The following LRP1B variants were observed in gnomAD, a reference collection of about 807,000 sequenced individuals.
The protein encoded by LRP1B is low-density lipoprotein receptor-related protein 1B.
LRP1B carries 217 observed loss-of-function variants against 556.6 expected under a neutral mutation model. That is an observed-to-expected ratio of 0.39 (90% CI 0.35 to 0.44). The LOEUF is 0.44. LRP1B is among the 20% of genes least tolerant of loss of function. The pLI is 1.00. For synonymous variants in LRP1B, 2,047 were observed against 1,865.8 expected, an observed-to-expected ratio of 1.10 and a Z score of -2.50; for missense variants, 5,053 against 5,620.8, an observed-to-expected ratio of 0.90 and a Z score of 3.23.
At chr2:140,834,753 A>C (rs528518833) in intron 31 of LRP1B, among the ~76,000 whole-genome samples, 1 of 152,124 alleles carries the variant, frequency 6.6e-6, no homozygotes, top group Non-Finnish European at 1.5e-5. Context: ...AACTACTAAC[A>C]TTTCATTATA....
At chr2:140,559,143 AAACAATGTCATAGTAT>A (rs1680841243) in intron 43 of LRP1B, among the ~76,000 whole-genome samples, 1 of 152,180 alleles carries the variant, frequency 6.6e-6, no homozygotes, top group East Asian at 1.9e-4. Context: ...TGAACATGTT[AAACAATGTCATAGTAT>A]ACAGTATGCA....
At chr2:140,576,679 T>C (rs1392763488) in intron 43 of LRP1B, among the ~76,000 whole-genome samples, 1 of 152,206 alleles carries the variant, frequency 6.6e-6, no homozygotes, top group East Asian at 1.9e-4. Flanking sequence ...TTATCAATTA[T>C]TGTGTAGTTC....
intron 84 of LRP1B, among the ~76,000 whole-genome samples, chr2:140,293,804 G>A (rs549459612): frequency 2.0e-5 from 3 of 152,212 alleles, no homozygotes; most frequent in African/African-American, 7.2e-5. Flanking sequence ...AAGAATGTTT[G>A]TTGACATCTT....
chr2:142,010,575 A>G (rs1179094006), intron 1 of LRP1B, among the ~76,000 whole-genome samples: 2 of 150,946 alleles, frequency 1.3e-5, no homozygotes, highest in Non-Finnish European at 3.0e-5. Context: ...AAAAAAAAAA[A>G]AAAAGAAAGA....
intron 41 of LRP1B, among the ~76,000 whole-genome samples, chr2:140,662,440 A>G (rs550179): frequency 0.1 from 15,835 of 152,146 alleles, 967 homozygotes; most frequent in East Asian, 0.24. Flanking sequence ...GGAACTTAAA[A>G]TGATAGAAAA....
intron 1 of LRP1B, among the ~76,000 whole-genome samples, chr2:141,852,738 G>C (rs142554952): frequency 2.6e-5 from 4 of 151,562 alleles, no homozygotes; most frequent in African/African-American, 9.7e-5. Flanking sequence ...AGCAAGCCAT[G>C]AAGTAAAAAT....
At chr2:141,363,509 G>T (rs1688912364) in intron 3 of LRP1B, among the ~76,000 whole-genome samples, 1 of 151,986 alleles carries the variant, frequency 6.6e-6, no homozygotes, top group Admixed American at 6.6e-5. Context: ...TACTAACCTA[G>T]ATCTACCATG....
intron 68 of LRP1B, among the ~76,000 whole-genome samples, chr2:140,374,653 GAATT>G (rs1683141644): frequency 6.6e-6 from 1 of 152,084 alleles, no homozygotes; most frequent in Non-Finnish European, 1.5e-5. Flanking sequence ...ACTGCTGAGT[GAATT>G]AATAAATTAA....
At chr2:140,721,046 A>G (rs1559076003) in intron 35 of LRP1B, among the ~76,000 whole-genome samples, 1 of 152,162 alleles carries the variant, frequency 6.6e-6, no homozygotes, top group Non-Finnish European at 1.5e-5. Context: ...ATAAAAATAT[A>G]AATATATTCA....
chr2:140,358,053 C>G lies in LRP1B; in HGVS notation c.11321G>C (p.Cys3774Ser), dbSNP rs2105135139. The G allele has an allele frequency of 6.2e-7, 1 of 1,611,504 alleles. No homozygotes were observed. The highest frequency in any genetic ancestry group is 1.1e-5 in the South Asian group (1 of 90,982). The change falls in exon 74 of 91, where the codon TGC (cysteine) becomes TCC (serine). Residue 3774 changes from cysteine (C) to serine (S), a missense_variant. By Grantham distance (112) the Cys-to-Ser change is moderately radical. Transcript: ENST00000389484. ...KDEFACSNKK[C>S]IPMDLQCDRL... ...ATCACACTGGAGATCCATAGGGATG[C>G]ATTTTTTATTACTACAAGCAAACTC...
chr2:142,015,057 C>T (rs1278861116), intron 1 of LRP1B, among the ~76,000 whole-genome samples: 2 of 152,262 alleles, frequency 1.3e-5, no homozygotes, highest in South Asian at 2.1e-4. Flanking sequence ...CTGGGAATTA[C>T]ATTTAAATTG....
chr2:140,733,795 C>A (rs288117), intron 35 of LRP1B, among the ~76,000 whole-genome samples: 1 of 151,988 alleles, frequency 6.6e-6, no homozygotes, highest in Non-Finnish European at 1.5e-5. Flanking sequence ...TAATGAAAGG[C>A]AAACTTACTA....
At chr2:141,890,323 C>CATATATATATATATATATAT (rs556472129) in intron 1 of LRP1B, among the ~76,000 whole-genome samples, 20 of 83,804 alleles carry the variant, frequency 2.4e-4, no homozygotes, top group African/African-American at 7.9e-4. Context: ...GGGCACAATA[C>CATATATATATATATATATAT]ATATATATAT....
chr2:141,330,584 A>G (rs1477667721), intron 3 of LRP1B, among the ~76,000 whole-genome samples: 1 of 152,150 alleles, frequency 6.6e-6, no homozygotes, highest in Non-Finnish European at 1.5e-5. Flanking sequence ...ATATTTTTGA[A>G]AGCTCCTCAA....
intron 2 of LRP1B, among the ~76,000 whole-genome samples, chr2:141,505,808 T>G (rs906942167): frequency 2.0e-5 from 3 of 152,074 alleles, no homozygotes; most frequent in South Asian, 2.1e-4. Flanking sequence ...AATTAACTCT[T>G]GTAAATTATC....
intron 2 of LRP1B, among the ~76,000 whole-genome samples, chr2:141,771,105 A>AT (rs1404828659): frequency 6.6e-6 from 1 of 152,160 alleles, no homozygotes; most frequent in Admixed American, 6.5e-5. Context: ...TTTAATTATC[A>AT]TTTTTTAAAC....
chr2:140,622,739 T>G (rs1018181619), intron 41 of LRP1B, among the ~76,000 whole-genome samples: 5 of 152,130 alleles, frequency 3.3e-5, no homozygotes, highest in Non-Finnish European at 5.9e-5. Flanking sequence ...CAAAAAAGAA[T>G]GAATGGCAGA....
intron 1 of LRP1B, among the ~76,000 whole-genome samples, chr2:141,992,563 A>G (rs1702378822): frequency 6.6e-6 from 1 of 152,154 alleles, no homozygotes; most frequent in South Asian, 2.1e-4. Context: ...ACATATAAAG[A>G]CTGGAAGAAA....
At chr2:141,122,733 A>C (rs1322643643) in intron 7 of LRP1B, among the ~76,000 whole-genome samples, 1 of 152,204 alleles carries the variant, frequency 6.6e-6, no homozygotes, top group Non-Finnish European at 1.5e-5. Context: ...CATTTGACCC[A>C]GCCATCCCAT....
Sources: allele counts gnomAD v4.1 joint callset (sites outside exome capture counted in the v4.1 genomes callset), GRCh38; gene constraint gnomAD v4.1.1; transcripts MANE v1.5; gene names NCBI Gene and HGNC (gene_info 2026-07-23, HGNC 2026-07-21).